BNC2: variants seen among roughly 807,000 people sequenced by gnomAD.
BNC2 encodes basonuclin zinc finger protein 2, also known as zinc finger protein basonuclin-2.
Under a neutral mutation model 76.3 loss-of-function variants are expected in BNC2, and 20 were observed. The observed-to-expected ratio is 0.26, with a 90% CI of 0.18 to 0.38. BNC2 has a LOEUF of 0.38. Among genes scored for constraint, BNC2 ranks in the 10% least tolerant of loss-of-function variants. The pLI is 1.00. For synonymous variants in BNC2, 582 were observed against 514.8 expected (o/e 1.13, Z -1.77); for missense variants, 1,382 against 1,399.8 (o/e 0.99, Z 0.20).
chr9:16,418,667 T>TGC lies in BNC2; in HGVS notation c.*321_*322insGC, dbSNP rs1361343364. On this transcript the variant is annotated 3_prime_UTR_variant, in exon 7 of 7. Coordinates refer to ENST00000380672, the MANE Select transcript of BNC2 (RefSeq NM_017637.6). Reference sequence around the variant, plus strand: ...CAAAACTGGGGCTAGTTGCACACTGTGTGTGTGTGTGTGTGTGTGTGTGTA... The same window carrying TGC: ...CAAAACTGGGGCTAGTTGCACACTGTGCGTGTGTGTGTGTGTGTGTGTGTGTA... The TGC allele has an allele frequency of 1.2e-5, 3 of 240,586 alleles. No individual in the cohort carries two copies. The highest frequency in any genetic ancestry group is 2.2e-5 in the Non-Finnish European group (3 of 134,818). The allele number at this position is 240,586 out of a possible 1,614,324, so 14.9% of individuals were successfully genotyped here. A position where few individuals can be genotyped will look rare whatever the true frequency, so the allele number is the denominator to read the frequency against.
At chr9:16,814,504 C>T (rs1424525291) in intron 1 of BNC2, among the ~76,000 whole-genome samples, 3 of 152,254 alleles carry the variant, frequency 2.0e-5, no homozygotes, top group African/African-American at 2.4e-5. Context: ...TAGGTAATTA[C>T]CCCTAAATTA....
At chr9:16,642,547 A>G (rs1409001358) in intron 3 of BNC2, among the ~76,000 whole-genome samples, 1 of 152,224 alleles carries the variant, frequency 6.6e-6, no homozygotes, top group Non-Finnish European at 1.5e-5. Context: ...GTGCCTCACT[A>G]AAATTTTTCT....
At chr9:16,588,209 G>C (rs972069307) in intron 3 of BNC2, among the ~76,000 whole-genome samples, 4 of 152,146 alleles carry the variant, frequency 2.6e-5, no homozygotes, top group Non-Finnish European at 5.9e-5. Flanking sequence ...AACAGGAAAA[G>C]CTCAATAAAT....
intron 1 of BNC2, among the ~76,000 whole-genome samples, chr9:16,824,032 A>C (rs77105654): frequency 0.072 from 10,911 of 152,258 alleles, 446 homozygotes; most frequent in Middle Eastern, 0.13. Flanking sequence ...ATGTCCATTA[A>C]TCAGTAGTGA....
chr9:16,815,867 C>A (rs2135898668), intron 1 of BNC2, among the ~76,000 whole-genome samples: 1 of 152,170 alleles, frequency 6.6e-6, no homozygotes, highest in Non-Finnish European at 1.5e-5. Flanking sequence ...TTCTTCGACA[C>A]AAAGATGGAA....
chr9:16,436,879 C>G lies in BNC2; in HGVS notation c.1315G>C (p.Gly439Arg). Residue 439 changes from glycine to arginine, a missense_variant, in exon 6 of 7, where the codon GGA becomes CGA. By Grantham distance (125) the Gly-to-Arg change is moderately radical. This residue lies in a region of BNC2 where 27 missense variants were observed against 83.4 expected (regional missense o/e 0.32). Coordinates refer to ENST00000380672, the MANE Select transcript of BNC2 (RefSeq NM_017637.6). ...CCACATGCATTACAGAACACTCTTC[C>G]TTTCCTAGAGGCTGACCCCATCCTT... is the stretch of plus-strand genomic sequence containing the variant. ...MRRMGSASRK[G>R]RVFCNACGKT... The G allele has an allele frequency of 6.2e-7, 1 of 1,614,132 alleles. No homozygotes were observed. Among genetic ancestry groups the G allele is most frequent in the South Asian group, 1.1e-5 (1 of 91,074 alleles).
intron 5 of BNC2, among the ~76,000 whole-genome samples, chr9:16,478,187 T>A (rs891448640): frequency 6.6e-6 from 1 of 152,212 alleles, no homozygotes; most frequent in African/African-American, 2.4e-5. Flanking sequence ...AAAAGCAATA[T>A]GCTTCCTGGT....
chr9:16,506,429 T>C lies in BNC2; in HGVS notation c.669+46101A>G, dbSNP rs550293535. ...GTTTCCTAAATAGGTCTCATGATTT[T>C]CTGACCCTGTGTCATCTGGCAAGTT... On this transcript the variant is annotated intron_variant, in intron 5 of 6. Transcript: ENST00000380672. Among the ~76,000 whole-genome samples the C allele has an allele frequency of 9.9e-4, 151 of 151,912 alleles. 1 individual carries two copies. The highest frequency in any genetic ancestry group is 1.0e-3 in the Non-Finnish European group (71 of 67,970).
intron 1 of BNC2, among the ~76,000 whole-genome samples, chr9:16,778,105 C>A (rs1028660148): frequency 6.6e-6 from 1 of 152,114 alleles, no homozygotes; most frequent in African/African-American, 2.4e-5. Context: ...TTTCTCCTCC[C>A]CTTTTCTCTA....
intron 1 of BNC2, among the ~76,000 whole-genome samples, chr9:16,780,504 G>A (rs1289169271): frequency 2.6e-5 from 4 of 151,530 alleles, no homozygotes; most frequent in Admixed American, 6.6e-5. Flanking sequence ...CCCAGGAGGC[G>A]GAGGCTGCAG....
intron 4 of BNC2, among the ~76,000 whole-genome samples, chr9:16,574,231 C>T (rs1208328281): frequency 2.0e-5 from 3 of 151,982 alleles, no homozygotes; most frequent in Non-Finnish European, 2.9e-5. Context: ...CCTGTAGGAT[C>T]GTTAGCAAGA....
intron 3 of BNC2, among the ~76,000 whole-genome samples, chr9:16,615,318 A>G (rs1027672415): frequency 6.6e-6 from 1 of 152,152 alleles, no homozygotes; most frequent in African/African-American, 2.4e-5. Context: ...GGAGCTCAGG[A>G]CATGCTACCC....
rs1204813513 is a variant in BNC2 at position 16,633,067 on chromosome 9, T to C, written c.331-49982A>G. Among the ~76,000 whole-genome samples the C allele has an allele frequency of 3.9e-5, 6 of 152,200 alleles. 1 individual carries two copies. Among genetic ancestry groups the C allele is most frequent in the Non-Finnish European group, 8.8e-5 (6 of 68,022 alleles). ...CTAAAGCAGGCTCTATTTAATACAA[T>C]GTGGTTTTAATTGGAGTCTGTTTTA... On this transcript the variant is annotated intron_variant, in intron 3 of 6. Coordinates refer to ENST00000380672, the MANE Select transcript of BNC2 (RefSeq NM_017637.6).
intron 5 of BNC2, among the ~76,000 whole-genome samples, chr9:16,513,892 A>G (rs181629572): frequency 1.3e-5 from 2 of 152,304 alleles, no homozygotes; most frequent in African/African-American, 2.4e-5. Flanking sequence ...GGGGTTCAAA[A>G]CATTAGGCTG....
At chr9:16,606,990 C>T (rs28416165) in intron 3 of BNC2, among the ~76,000 whole-genome samples, 3 of 152,204 alleles carry the variant, frequency 2.0e-5, no homozygotes, top group East Asian at 3.9e-4. Flanking sequence ...CTCTGTCACC[C>T]AGGCTGGAGT....
chr9:16,800,863 T>C (rs2135748297), intron 1 of BNC2, among the ~76,000 whole-genome samples: 1 of 152,314 alleles, frequency 6.6e-6, no homozygotes. Context: ...GATAGTTGTC[T>C]TTCTCTCCTT....
At chr9:16,538,159 T>C (rs937771027) in intron 5 of BNC2, among the ~76,000 whole-genome samples, 4 of 152,208 alleles carry the variant, frequency 2.6e-5, no homozygotes, top group Non-Finnish European at 5.9e-5. Context: ...ACAAAGCAGA[T>C]GGTACTGCCT....
chr9:16,495,754 C>G (rs566240653), intron 5 of BNC2, among the ~76,000 whole-genome samples: 38 of 152,268 alleles, frequency 2.5e-4, no homozygotes, highest in African/African-American at 8.7e-4. Context: ...TCATGGCTCT[C>G]TGAAGGTTAA....
chr9:16,778,238 C>T (rs1221274107), intron 1 of BNC2, among the ~76,000 whole-genome samples: 2 of 152,240 alleles, frequency 1.3e-5, no homozygotes, highest in South Asian at 4.1e-4. Context: ...AAGATACATA[C>T]ACACAAATAC....
Sources: allele counts gnomAD v4.1 joint callset (sites outside exome capture counted in the v4.1 genomes callset), GRCh38; gene constraint gnomAD v4.1.1; regional missense constraint gnomAD v4.1.1; transcripts MANE v1.5; gene names NCBI Gene and HGNC (gene_info 2026-07-23, HGNC 2026-07-21).